Variants in SOX6 observed in about 807,000 individuals in gnomAD.
The protein encoded by SOX6 is transcription factor SOX-6.
Under a neutral mutation model 97.8 loss-of-function variants are expected in SOX6, and 11 were observed. That is an observed-to-expected ratio of 0.11 (90% CI 0.07 to 0.19). SOX6 has a LOEUF of 0.19. Among genes scored for constraint, SOX6 ranks in the 10% least tolerant of loss-of-function variants. The pLI is 1.00. For missense variants in SOX6, 810 were observed against 1,039.5 expected (o/e 0.78, Z 3.04); for synonymous variants, 360 against 371.4 (o/e 0.97, Z 0.35).
At chr11:16,657,728 G>T (rs575239147) in intron 3 of SOX6, among the ~76,000 whole-genome samples, 1 of 152,246 alleles carries the variant, frequency 6.6e-6, no homozygotes, top group East Asian at 1.9e-4. Flanking sequence ...GCACTCCCTA[G>T]TGACATATGA....
intron 4 of SOX6, among the ~76,000 whole-genome samples, chr11:16,216,612 T>TA (rs35605922): frequency 7.5e-4 from 110 of 146,810 alleles, no homozygotes; most frequent in Admixed American, 1.7e-3. Context: ...CTTTTCAGAC[T>TA]AAAAAAAAAA....
intron 4 of SOX6, among the ~76,000 whole-genome samples, chr11:16,517,218 T>C (rs554798818): frequency 3.6e-4 from 55 of 152,142 alleles, no homozygotes; most frequent in African/African-American, 1.3e-3. Flanking sequence ...CCACAGCCAA[T>C]ATCATACTGA....
intron 3 of SOX6, among the ~76,000 whole-genome samples, chr11:16,671,891 G>T (rs1021849344): frequency 2.6e-5 from 4 of 152,134 alleles, no homozygotes; most frequent in Non-Finnish European, 2.9e-5. Context: ...TGTTATGGCA[G>T]CTAAAGAGAA....
chr11:16,291,729 A>G (rs958424413), intron 3 of SOX6, among the ~76,000 whole-genome samples: 4 of 152,140 alleles, frequency 2.6e-5, no homozygotes, highest in African/African-American at 7.2e-5. Flanking sequence ...TACACATTTT[A>G]AATGACTTCA....
At chr11:16,421,594 G>T (rs192049637) in intron 1 of SOX6, among the ~76,000 whole-genome samples, 1 of 152,102 alleles carries the variant, frequency 6.6e-6, no homozygotes, top group Non-Finnish European at 1.5e-5. Flanking sequence ...AGAAATAGCC[G>T]TAGTAATGAT....
At chr11:16,394,677 A>T (rs978940841) in intron 1 of SOX6, among the ~76,000 whole-genome samples, 1 of 151,898 alleles carries the variant, frequency 6.6e-6, no homozygotes, top group Non-Finnish European at 1.5e-5. Flanking sequence ...AGTTATTGTT[A>T]TCTACCTTAA....
At chr11:16,463,754 G>A (rs1354329) in intron 1 of SOX6, among the ~76,000 whole-genome samples, 43,620 of 152,090 alleles carry the variant, frequency 0.29, 6,457 homozygotes, top group African/African-American at 0.31. Flanking sequence ...ATTTCAAATT[G>A]CTTCACAGCT....
chr11:16,695,057 C>T (rs906622633), intron 3 of SOX6, among the ~76,000 whole-genome samples: 10 of 152,132 alleles, frequency 6.6e-5, no homozygotes, highest in African/African-American at 2.4e-4. Context: ...GTTTTGGTAT[C>T]CACAGGAGGT....
At chr11:16,296,389 A>G (rs1418501794) in intron 3 of SOX6, among the ~76,000 whole-genome samples, 1 of 152,146 alleles carries the variant, frequency 6.6e-6, no homozygotes, top group Non-Finnish European at 1.5e-5. Context: ...ACAATGCACA[A>G]GTTGTGTTGT....
At position 15,971,728 on chromosome 11, in the gene SOX6, T is replaced by C. The variant is rs549330260; in HGVS notation, c.*1081A>G. The C allele has an allele frequency of 6.6e-6, 1 of 152,454 alleles. No individual in the cohort carries two copies. Among genetic ancestry groups the C allele is most frequent in the Non-Finnish European group, 1.5e-5 (1 of 68,032 alleles). The allele number at this position is 152,454 out of a possible 1,614,324, so 9.4% of individuals were successfully genotyped here. A position where few individuals can be genotyped will look rare whatever the true frequency, so the allele number is the denominator to read the frequency against. On this transcript the variant is annotated 3_prime_UTR_variant, in exon 16 of 16. Coordinates refer to ENST00000683767, the MANE Select transcript of SOX6 (RefSeq NM_001367873.1). ...GTTCTGGGGACATAAAATCACTATG[T>C]ACACAGGAGAAGGAGGTGAAAAGGA...
Position 16,623,427 on chromosome 11 carries a change from A to C in SOX6, n.430-11167T>G, listed in dbSNP as rs935003197. ...TTTATGGGATTTTTTTTTCTTGCTA[A>C]TTTGTTTGAATTCCTTGTAGATTCT... On this transcript the variant is annotated intron_variant and non_coding_transcript_variant, in intron 3 of 5. Transcript: ENST00000524520. 2.2e-4 allele frequency among the ~76,000 whole-genome samples: 34 copies of C among 151,660 alleles called. 1 individual carries two copies. Among genetic ancestry groups the C allele is most frequent in the Non-Finnish European group, 4.4e-5 (3 of 67,920 alleles).
chr11:16,093,170 C>G (rs975406460), intron 9 of SOX6, among the ~76,000 whole-genome samples: 2 of 151,952 alleles, frequency 1.3e-5, no homozygotes, highest in Non-Finnish European at 2.9e-5. Flanking sequence ...TCTGATTGTT[C>G]CCAGGGTTTA....
At chr11:16,044,320 A>G (rs917009636) in intron 12 of SOX6, among the ~76,000 whole-genome samples, 4 of 152,190 alleles carry the variant, frequency 2.6e-5, no homozygotes, top group Admixed American at 6.6e-5. Context: ...CAACTGTATT[A>G]TGAGCTACAA....
chr11:16,642,025 GT>G lies in SOX6; in HGVS notation n.430-29766del, dbSNP rs1351662299. ...CTCGATGGTCTTTACAATTTAGCAT[GT>G]TTTTGCAGTGGCTGGTACTGGTTGT... On this transcript the variant is annotated intron_variant and non_coding_transcript_variant, in intron 3 of 5. Coordinates refer to the SOX6 transcript ENST00000524520. Among the ~76,000 whole-genome samples, 5 of 152,330 alleles carry G rather than the reference GT, an allele frequency of 3.3e-5. No homozygotes were observed. The East Asian group carries it at 9.6e-4, about 29-fold the overall frequency.
intron 3 of SOX6, among the ~76,000 whole-genome samples, chr11:16,688,876 G>A (rs1847989586): frequency 6.6e-6 from 1 of 152,148 alleles, no homozygotes; most frequent in South Asian, 2.1e-4. Context: ...TGCTTGAACT[G>A]TGTTCTAAGA....
At chr11:16,713,775 A>G (rs973552612) in intron 3 of SOX6, among the ~76,000 whole-genome samples, 4 of 152,214 alleles carry the variant, frequency 2.6e-5, no homozygotes, top group Admixed American at 6.5e-5. Context: ...CAATGTCACA[A>G]CTACACTTCC....
chr11:16,003,519 AC>A (rs1854465444), intron 13 of SOX6, among the ~76,000 whole-genome samples: 1 of 152,006 alleles, frequency 6.6e-6, no homozygotes, highest in East Asian at 1.9e-4. Flanking sequence ...TAGACTATGT[AC>A]CCCAAAACAG....
At chr11:16,119,270 A>C (rs534446955) in intron 6 of SOX6, among the ~76,000 whole-genome samples, 1 of 152,308 alleles carries the variant, frequency 6.6e-6, no homozygotes, top group Non-Finnish European at 1.5e-5. Flanking sequence ...CTTATAGTTA[A>C]TTCTGGAGGT....
At chr11:16,173,820 A>T (rs1851106840) in intron 6 of SOX6, among the ~76,000 whole-genome samples, 1 of 150,848 alleles carries the variant, frequency 6.6e-6, no homozygotes, top group African/African-American at 2.4e-5. Context: ...TATATTAAAA[A>T]AGTTGAAATT....
Sources: gnomAD v4.1 joint callset for allele counts (sites outside exome capture counted in the v4.1 genomes callset) on GRCh38, gnomAD v4.1.1 for gene constraint, MANE v1.5 for transcripts, NCBI Gene and HGNC (gene_info 2026-07-23, HGNC 2026-07-21) for gene names.